Variants in SPINT1 observed in about 807,000 individuals in gnomAD.
The protein encoded by SPINT1 is kunitz-type protease inhibitor 1.
Under a neutral mutation model 53.7 loss-of-function variants are expected in SPINT1, and 38 were observed. The observed-to-expected ratio is 0.71, with a 90% confidence interval of 0.55 to 0.93. The LOEUF (loss-of-function observed/expected upper bound fraction) is 0.93, where lower values mean the gene tolerates loss of function less well. SPINT1 is among the 40% of genes least tolerant of loss of function. The pLI, the probability that SPINT1 is intolerant of heterozygous loss-of-function variation, is 0.00. For missense variants in SPINT1, 645 were observed against 692.9 expected, an observed-to-expected ratio of 0.93 and a Z score of 0.78; for synonymous variants, 283 against 280.6, an observed-to-expected ratio of 1.01 and a Z score of -0.08.
In SPINT1 at chr15:40,857,035, G is replaced by A; in HGVS notation, c.*60G>A. The A allele has an allele frequency of 6.3e-7, 1 of 1,587,014 alleles. No individual in the cohort carries two copies. Among genetic ancestry groups the A allele is most frequent in the Non-Finnish European group, 8.6e-7 (1 of 1,164,584 alleles). ...TCCTGCTTGCCAAGGCAGAGGCCTG[G>A]GCTGGGAAAAACTTTGGAACCAGAC... On this transcript the variant is annotated 3_prime_UTR_variant, in exon 11 of 11. Coordinates refer to ENST00000562057, the MANE Select transcript of SPINT1 (RefSeq NM_003710.4).
At chr15:40,846,862 G>A (rs1257017692) in intron 2 of SPINT1, among the ~76,000 whole-genome samples, 1 of 152,228 alleles carries the variant, frequency 6.6e-6, no homozygotes, top group Non-Finnish European at 1.5e-5. Flanking sequence ...ACATATCTGA[G>A]GGCCAGTCTG....
At position 40,854,694 on chromosome 15, in the gene SPINT1, G is replaced by A. The variant is rs1325497616; in HGVS notation, c.1117+5G>A. On this transcript the variant is annotated splice_donor_5th_base_variant and intron_variant, in intron 8 of 10. Coordinates refer to ENST00000562057, the MANE Select transcript of SPINT1 (RefSeq NM_003710.4). ...TCCATTTCCCCAGTGACAAAGGTGA[G>A]ATCCTCCCCAGGTGCCCTGGATCAG... The A allele has an allele frequency of 6.2e-7, 1 of 1,614,056 alleles. No homozygotes were observed. Among genetic ancestry groups the A allele is most frequent in the Admixed American group, 1.7e-5 (1 of 60,022 alleles).
intron 2 of SPINT1, among the ~76,000 whole-genome samples, chr15:40,845,799 T>A (rs1458768900): frequency 6.6e-6 from 1 of 152,214 alleles, no homozygotes; most frequent in Non-Finnish European, 1.5e-5. Flanking sequence ...GGCCAAGCAC[T>A]GGTCTGGGCA....
At chr15:40,848,756 G>T (rs527905104) in intron 2 of SPINT1, among the ~76,000 whole-genome samples, 1 of 152,212 alleles carries the variant, frequency 6.6e-6, no homozygotes, top group South Asian at 2.1e-4. Context: ...TATATAAAGG[G>T]CAAAACAAGA....
In SPINT1 at chr15:40,853,450, C is replaced by T. The variant is rs202235325; in HGVS notation, c.604-39C>T. The T allele has an allele frequency of 1.6e-3, 2,649 of 1,613,868 alleles. 48 individuals carry two copies. The South Asian group carries it at 0.024, about 15-fold the overall frequency. Reference sequence around the variant, plus strand: ...CAGGCCTGGGGCAGCCCAAGGGCATCAGGGGGTGCCCAAGCCTGATAGCCA... The same window carrying T: ...CAGGCCTGGGGCAGCCCAAGGGCATTAGGGGGTGCCCAAGCCTGATAGCCA... On this transcript the variant is annotated intron_variant, in intron 3 of 10. Transcript: ENST00000562057.
chr15:40,849,367 C>A (rs1403329464), intron 2 of SPINT1, among the ~76,000 whole-genome samples: 1 of 152,184 alleles, frequency 6.6e-6, no homozygotes, highest in African/African-American at 2.4e-5. Context: ...CCAACCTCAT[C>A]TTCATGAATA....
In SPINT1 at chr15:40,853,458, GC is replaced by G. The variant is rs756122357; in HGVS notation, c.604-28del. ...GGGCAGCCCAAGGGCATCAGGGGGTGCCCAAGCCTGATAGCCACTCCTGTGT... is the reference window on the plus strand; with the variant it reads ...GGGCAGCCCAAGGGCATCAGGGGGTGCCAAGCCTGATAGCCACTCCTGTGT... On this transcript the variant is annotated intron_variant, in intron 3 of 10. Transcript: ENST00000562057. 5 of 1,613,878 alleles carry G rather than the reference GC, an allele frequency of 3.1e-6. No individual in the cohort carries two copies. In the African/African-American group the frequency reaches 6.7e-5, roughly 22 times the overall value.
At chr15:40,856,729 C>T (rs1486978045) in intron 10 of SPINT1, 41 bp from the exon 11 acceptor site, 48 of 1,611,006 alleles carry the variant, frequency 3.0e-5, no homozygotes, top group Non-Finnish European at 4.1e-5. Context: ...CAGAACCAGG[C>T]AGGCCCTGGG....
Position 40,844,383 on chromosome 15 carries a change from G to A in SPINT1, c.-65-107G>A. On this transcript the variant is annotated intron_variant, in intron 1 of 10. Transcript: ENST00000562057. This position sits in a 1 kb window ranked among gnomAD's most constrained non-coding sequence, Gnocchi z 5.8. ...CGTGCGCCCTCTTCGATCCTGGGGT[G>A]CTCCGGTCCCTCCTCCCCGCCACTT... 2.7e-6 allele frequency: 2 copies of A among 749,312 alleles called. No individual in the cohort carries two copies. Among genetic ancestry groups the A allele is most frequent in the Non-Finnish European group, 4.6e-6 (2 of 433,410 alleles). 46.4% of individuals were successfully genotyped at this position (749,312 alleles called of 1,614,324 possible).
intron 2 of SPINT1, among the ~76,000 whole-genome samples, chr15:40,850,055 C>T (rs1016217723): frequency 2.6e-5 from 4 of 152,142 alleles, no homozygotes; most frequent in Non-Finnish European, 5.9e-5. Context: ...AAGGATTCTC[C>T]TTTTGTTTTT....
Position 40,844,686 on chromosome 15 carries a change from G to A in SPINT1, c.132G>A (p.Leu44=). The A allele has an allele frequency of 6.2e-7, 1 of 1,606,582 alleles. No individual in the cohort carries two copies. The highest frequency in any genetic ancestry group is 1.1e-5 in the South Asian group (1 of 90,412). ...GGCCACCGCCCGCGCCCCCTGGGCTGCCCGCGGGAGCCGACTGCCTGAACA... is the reference window on the plus strand; with the variant it reads ...GGCCACCGCCCGCGCCCCCTGGGCTACCCGCGGGAGCCGACTGCCTGAACA... ...QAGPPPAPPG[L]PAGADCLNSF... Residue 44 remains leucine, a synonymous_variant, in exon 2 of 11, where the codon CTG becomes CTA. Coordinates refer to ENST00000562057, the MANE Select transcript of SPINT1 (RefSeq NM_003710.4). This position sits in a 1 kb window ranked among gnomAD's most constrained non-coding sequence, Gnocchi z 5.8.
Position 40,854,026 on chromosome 15 carries a change from C to T in SPINT1, c.914-34C>T, listed in dbSNP as rs762259999. ...TATCTCATCCCCACTGGAGCCTGGT[C>T]ATGCCTCCTCTCATTCTCTGTTCTC... On this transcript the variant is annotated intron_variant, in intron 5 of 10. Transcript: ENST00000562057. 2.8e-6 allele frequency: 4 copies of T among 1,412,938 alleles called. No individual in the cohort carries two copies. In the East Asian group the frequency reaches 1.3e-4, roughly 46 times the overall value. The allele number at this position is 1,412,938 out of a possible 1,614,324, so 87.5% of individuals were successfully genotyped here. A position where few individuals can be genotyped will look rare whatever the true frequency, so the allele number is the denominator to read the frequency against.
chr15:40,853,394 G>A, intron 3 of SPINT1, 95 bp from the exon 4 acceptor site: 1 of 1,605,394 alleles, frequency 6.2e-7, no homozygotes, highest in Non-Finnish European at 8.5e-7. Context: ...ACTCCCCCTG[G>A]CCTCCCCAGG....
rs953368090 is a variant in SPINT1, at chr15:40,854,091, G to C, written c.940+5G>C. Reference sequence around the variant, plus strand: ...CCATGGAAAGGCGCCATCCAGGTGGGCTTTACTCCCCTCCCCATCCCCCAT... The same window carrying C: ...CCATGGAAAGGCGCCATCCAGGTGGCCTTTACTCCCCTCCCCATCCCCCAT... On this transcript the variant is annotated splice_donor_5th_base_variant and intron_variant, in intron 6 of 10. Coordinates refer to ENST00000562057, the MANE Select transcript of SPINT1 (RefSeq NM_003710.4). The C allele has an allele frequency of 6.5e-7, 1 of 1,538,554 alleles. No individual in the cohort carries two copies. The highest frequency in any genetic ancestry group is 8.7e-7 in the Non-Finnish European group (1 of 1,145,244).
intron 8 of SPINT1, among the ~76,000 whole-genome samples, chr15:40,855,426 C>T (rs574658716): frequency 6.4e-4 from 97 of 151,874 alleles, no homozygotes; most frequent in Middle Eastern, 3.4e-3. Flanking sequence ...GCTTGCCTGC[C>T]AAGGCTCAGA....
At position 40,857,728 on chromosome 15, in the gene SPINT1, T is replaced by A. The variant is rs951225380; in HGVS notation, c.*753T>A. On this transcript the variant is annotated 3_prime_UTR_variant, in exon 11 of 11. Coordinates refer to ENST00000562057, the MANE Select transcript of SPINT1 (RefSeq NM_003710.4). Reference sequence around the variant, plus strand: ...GGGTGATGGGACCGTCCTGTTCAGCTGGTTCAGGCTTCAGCCACCCTGTTG... The same window carrying A: ...GGGTGATGGGACCGTCCTGTTCAGCAGGTTCAGGCTTCAGCCACCCTGTTG... 1 of 152,298 alleles carries A rather than the reference T, an allele frequency of 6.6e-6. No homozygotes were observed. The highest frequency in any genetic ancestry group is 1.5e-5 in the Non-Finnish European group (1 of 68,128). The allele number at this position is 152,298 out of a possible 1,614,324, so 9.4% of individuals were successfully genotyped here.
intron 10 of SPINT1, 146 bp from the exon 11 acceptor site, chr15:40,856,624 C>A: frequency 6.9e-7 from 1 of 1,452,610 alleles, no homozygotes; most frequent in Non-Finnish European, 9.2e-7. Context: ...AGCTGTTCAG[C>A]TGTTCATATG....
intron 2 of SPINT1, among the ~76,000 whole-genome samples, chr15:40,847,132 G>A (rs185537748): frequency 4.5e-4 from 69 of 152,340 alleles, no homozygotes; most frequent in Admixed American, 9.8e-4. Flanking sequence ...TGCCACAAGA[G>A]AGGGTGGAGT....
At chr15:40,854,583 C>A in intron 7 of SPINT1, 56 bp from the exon 8 acceptor site, 1 of 1,614,124 alleles carries the variant, frequency 6.2e-7, no homozygotes, top group Admixed American at 1.7e-5. Flanking sequence ...CAGCCTTGCC[C>A]TGAACCCCTG....
Sources: allele counts gnomAD v4.1 joint callset (sites outside exome capture counted in the v4.1 genomes callset), GRCh38; gene constraint gnomAD v4.1.1; non-coding constraint Gnocchi (gnomAD v3.1); transcripts MANE v1.5; gene names NCBI Gene and HGNC (gene_info 2026-07-23, HGNC 2026-07-21).